The following MRC2 variants were observed in gnomAD, a reference collection of about 807,000 sequenced individuals.
The protein encoded by MRC2 is mannose receptor C-type 2, also known as C-type mannose receptor 2.
Under a neutral mutation model 206.2 loss-of-function variants are expected in MRC2, and 84 were observed. The observed-to-expected ratio is 0.41, with a 90% CI of 0.34 to 0.49. The LOEUF (loss-of-function observed/expected upper bound fraction) is 0.49. Among genes scored for constraint, MRC2 ranks in the 20% least tolerant of loss-of-function variants. The pLI is 0.31. For missense variants in MRC2, 1,676 were observed against 2,001.5 expected (o/e 0.84, Z 3.10); for synonymous variants, 798 against 800.0 (o/e 1.00, Z 0.04).
intron 1 of MRC2, among the ~76,000 whole-genome samples, chr17:62,657,742 G>A (rs993442129): frequency 2.0e-5 from 3 of 152,180 alleles, no homozygotes; most frequent in African/African-American, 4.8e-5. Flanking sequence ...GATGAAGCAC[G>A]GGTACAAAGA....
chr17:62,670,543 G>A (rs552520059), intron 6 of MRC2, among the ~76,000 whole-genome samples: 79 of 152,390 alleles, frequency 5.2e-4, no homozygotes, highest in African/African-American at 1.9e-3. Context: ...GCATGACACT[G>A]TGGGTGGTTT....
chr17:62,690,125 T>A (rs111284680), intron 25 of MRC2, 31 bp from the exon 26 acceptor site: 2 of 1,587,510 alleles, frequency 1.3e-6, no homozygotes, highest in South Asian at 2.3e-5. Flanking sequence ...GGGAGGGTGC[T>A]GAGCCACTTC....
intron 1 of MRC2, among the ~76,000 whole-genome samples, chr17:62,635,350 C>T (rs2088301181): frequency 6.6e-6 from 1 of 152,074 alleles, no homozygotes; most frequent in Non-Finnish European, 1.5e-5. Flanking sequence ...TGGTCCTACC[C>T]CCTAAAGCCC....
rs769927731 is a variant in MRC2, at chr17:62,671,249, T to G, written c.1118-400T>G. ...CCATGCCTGGCTAATTTTTTATTTTTTATAGAGATGGGGTCTCCCCTTTGT... is the reference window on the plus strand; with the variant it reads ...CCATGCCTGGCTAATTTTTTATTTTGTATAGAGATGGGGTCTCCCCTTTGT... On this transcript the variant is annotated intron_variant, in intron 6 of 29. Transcript: ENST00000303375. This position sits in a 1 kb window ranked among gnomAD's most constrained non-coding sequence, Gnocchi z 4.5. Among the ~76,000 whole-genome samples the G allele has an allele frequency of 6.6e-6, 1 of 152,096 alleles. No individual in the cohort carries two copies. The highest frequency in any genetic ancestry group is 2.1e-4 in the South Asian group (1 of 4,812).
At position 62,692,277 on chromosome 17, in the gene MRC2, G is replaced by A. The variant is rs780310624; in HGVS notation, c.4266G>A (p.Val1422=). Residue 1422 remains valine (V), a synonymous_variant, in exon 30 of 30, where the codon GTG becomes GTA. Coordinates refer to ENST00000303375, the MANE Select transcript of MRC2 (RefSeq NM_006039.5). This position sits in a 1 kb window ranked among gnomAD's most constrained non-coding sequence, Gnocchi z 4.2. The part of the protein sequence containing the change: ...PAALVVVLMA[V]LLLLALLTAA... ...CCCTGGTGGTGGTGCTGATGGCGGT[G>A]CTGCTGCTCCTGGCCTTGCTGACCG... 4.4e-6 allele frequency: 7 copies of A among 1,603,918 alleles called. No individual in the cohort carries two copies. The African/African-American group carries it at 9.4e-5, about 21-fold the overall frequency.
chr17:62,677,138 G>A (rs1047796904), intron 11 of MRC2, 131 bp from the exon 12 acceptor site: 5 of 712,488 alleles, frequency 7.0e-6, no homozygotes, highest in Admixed American at 2.9e-5. Flanking sequence ...CAACCCCAGA[G>A]AGCATGTCTC....
intron 11 of MRC2, 53 bp from the exon 12 acceptor site, chr17:62,677,216 G>A: frequency 7.0e-7 from 1 of 1,437,832 alleles, no homozygotes; most frequent in South Asian, 1.3e-5. Context: ...TGTGAGGGAG[G>A]ACCAGACTAT....
At chr17:62,630,965 G>A (rs1473663686) in intron 1 of MRC2, among the ~76,000 whole-genome samples, 1 of 152,134 alleles carries the variant, frequency 6.6e-6, no homozygotes, top group African/African-American at 2.4e-5. Flanking sequence ...GTGCCCAGCC[G>A]AGCTGTGGCT....
chr17:62,630,737 A>G (rs1431902117), intron 1 of MRC2, among the ~76,000 whole-genome samples: 1 of 152,018 alleles, frequency 6.6e-6, no homozygotes, highest in Non-Finnish European at 1.5e-5. Flanking sequence ...ACCTCAGGAA[A>G]TCTTCCTGTG....
Position 62,676,383 on chromosome 17 carries a change from G to T in MRC2, c.1686G>T (p.Arg562Ser), listed in dbSNP as rs1205824803. 6.2e-7 allele frequency: 1 copy of T among 1,613,630 alleles called. No homozygotes were observed. Residue 562 changes from arginine (R) to serine (S), a missense_variant and splice_region_variant, in exon 11 of 30, where the codon AGG becomes AGT. Around this residue, in one of 3 missense-constraint regions of MRC2, gnomAD observed 1,354 missense variants for 1,636.6 expected, o/e 0.83. Transcript: ENST00000303375. ...GCCCTGACCAGCCTGTCTCCTGAAG[G>T]TTCGAGCAGGCCTTCGTCAGCAGCC... Reference protein sequence around the residue: ...HGSQLVTITNRFEQAFVSSLI... With the variant: ...HGSQLVTITNSFEQAFVSSLI...
chr17:62,660,302 C>A (rs1442945464), intron 1 of MRC2, among the ~76,000 whole-genome samples: 1 of 152,116 alleles, frequency 6.6e-6, no homozygotes, highest in Admixed American at 6.5e-5. Flanking sequence ...ACTAGAAAGG[C>A]TAACATTGAG....
In MRC2 at chr17:62,677,260, C is replaced by G; in HGVS notation, c.1835-9C>G. 1 of 1,574,542 alleles carries G rather than the reference C, an allele frequency of 6.4e-7. No homozygotes were observed. The highest frequency in any genetic ancestry group is 8.6e-7 in the Non-Finnish European group (1 of 1,157,000). On this transcript the variant is annotated splice_polypyrimidine_tract_variant and intron_variant, in intron 11 of 29. Coordinates refer to ENST00000303375, the MANE Select transcript of MRC2 (RefSeq NM_006039.5). The stretch of plus-strand genomic sequence containing the variant: ...CTCAGAGCCTGGGTCTCCCTTCCCT[C>G]TCCTTCAGGGTACAGCCGTGGGGGC...
rs1332337508 is a variant in MRC2, at chr17:62,664,832, G to C, written c.403G>C (p.Gly135Arg). 1.2e-6 allele frequency: 2 copies of C among 1,613,812 alleles called. No individual in the cohort carries two copies. Among genetic ancestry groups the C allele is most frequent in the African/African-American group, 1.3e-5 (1 of 75,060 alleles). ...TLGDQLSLLL[G>R]ARTSNISKPG... ...GGGTGACCAGCTGTCCTTGCTCCTG[G>C]GGGCCCGCACCAGCAACATATCCAA... The change falls in exon 2 of 30, where the codon GGG (glycine) becomes CGG (arginine). Residue 135 changes from glycine (G) to arginine (R), a missense_variant. Coordinates refer to ENST00000303375, the MANE Select transcript of MRC2 (RefSeq NM_006039.5). This position sits in a 1 kb window ranked among gnomAD's most constrained non-coding sequence, Gnocchi z 4.7.
intron 1 of MRC2, among the ~76,000 whole-genome samples, chr17:62,651,153 G>A (rs897916807): frequency 2.6e-5 from 4 of 151,438 alleles, no homozygotes; most frequent in Admixed American, 2.0e-4. Flanking sequence ...GTGCGATCTC[G>A]GCTCACTGCA....
chr17:62,674,736 T>G, intron 9 of MRC2, among the ~76,000 whole-genome samples: 1 of 146,692 alleles, frequency 6.8e-6, no homozygotes, highest in African/African-American at 2.5e-5. Flanking sequence ...GCTGTGTAAG[T>G]GAGTGGGGGG....
At chr17:62,643,946 T>C (rs1227802050) in intron 1 of MRC2, among the ~76,000 whole-genome samples, 1 of 152,184 alleles carries the variant, frequency 6.6e-6, no homozygotes, top group Non-Finnish European at 1.5e-5. Context: ...TATGTGCATG[T>C]ATATTTATGT....
chr17:62,681,669 G>A (rs972633077), intron 18 of MRC2, 168 bp from the exon 19 acceptor site: 3 of 594,728 alleles, frequency 5.0e-6, no homozygotes, highest in Middle Eastern at 4.4e-4. Flanking sequence ...CAGGTCCTTG[G>A]GTCTTTGACT....
chr17:62,634,195 C>T (rs919498835), intron 1 of MRC2, among the ~76,000 whole-genome samples: 2 of 152,112 alleles, frequency 1.3e-5, no homozygotes, highest in African/African-American at 2.4e-5. Flanking sequence ...AATTTCTTGA[C>T]GTTGCCATGA....
At chr17:62,691,831 G>C (rs2089115683) in intron 28 of MRC2, among the ~76,000 whole-genome samples, 1 of 141,972 alleles carries the variant, frequency 7.0e-6, no homozygotes, top group South Asian at 2.2e-4. Context: ...AGCTAGTAAA[G>C]ATGAGGTGAG....
Sources: gnomAD v4.1 joint callset for allele counts (sites outside exome capture counted in the v4.1 genomes callset) on GRCh38, gnomAD v4.1.1 for gene constraint, gnomAD v4.1.1 regional missense constraint, Gnocchi (gnomAD v3.1) non-coding constraint, MANE v1.5 for transcripts, NCBI Gene and HGNC (gene_info 2026-07-23, HGNC 2026-07-21) for gene names.